LHX6: variants seen among roughly 807,000 people sequenced by gnomAD.
LHX6 encodes LIM/homeobox protein Lhx6.
LHX6 carries 15 observed loss-of-function variants against 47.1 expected under a neutral mutation model. The ratio of observed to expected loss-of-function variants is 0.32; its 90% confidence interval spans 0.21 to 0.49. The LOEUF is 0.49. Ranked by LOEUF, LHX6 falls within the 20% of genes least tolerant of loss-of-function variation. The probability of loss-of-function intolerance (pLI) is 0.99; values close to 1 mark genes in which losing one functional copy is unlikely to be tolerated. For synonymous variants in LHX6, 242 were observed against 233.5 expected, an observed-to-expected ratio of 1.04 and a Z score of -0.33; for missense variants, 404 against 539.6, an observed-to-expected ratio of 0.75 and a Z score of 2.49.
In LHX6 at chr9:122,214,031, G is replaced by A. The variant is rs1238887327; in HGVS notation, c.822C>T (p.Asp274=). ...QAQFAQDNNP[D]AQTLQKLADM... ...CCGCCAGCTTCTGCAGCGTCTGAGC[G>A]TCGGGGTTGTTGTCCTGCGCGAACT... The change falls in exon 7 of 10, where the codon GAC becomes GAT. Residue 274 remains aspartate (D), a synonymous_variant. Transcript: ENST00000394319. This position sits in a 1 kb window ranked among gnomAD's most constrained non-coding sequence, Gnocchi z 4.6. 4 of 1,602,280 alleles carry A rather than the reference G, an allele frequency of 2.5e-6. No homozygotes were observed. The highest frequency in any genetic ancestry group is 1.3e-5 in the African/African-American group (1 of 74,910).
rs112046879 is a variant in LHX6, at chr9:122,209,907, A to G, written c.1055-190T>C. On this transcript the variant is annotated intron_variant, in intron 8 of 9. Transcript: ENST00000394319. ...TTTTTTTTTTTTGAGACGGAGTCTC[A>G]CCTTGTCGCCCAGGCTGGAGTGCAG... is the stretch of plus-strand genomic sequence containing the variant. 2.3e-3 allele frequency among the ~76,000 whole-genome samples: 341 copies of G among 151,164 alleles called. 1 individual carries two copies. Among genetic ancestry groups the G allele is most frequent in the African/African-American group, 7.9e-3 (326 of 41,166 alleles).
At chr9:122,208,138 CAG>C (rs1213445296) in intron 9 of LHX6, among the ~76,000 whole-genome samples, 16 of 152,286 alleles carry the variant, frequency 1.1e-4, no homozygotes, top group African/African-American at 3.6e-4. Flanking sequence ...GCATAAAATA[CAG>C]ACTCTTCCAC....
In LHX6 at chr9:122,214,776, G is replaced by C. The variant is rs989117277; in HGVS notation, c.683-393C>G. Among the ~76,000 whole-genome samples, 1 of 152,162 alleles carries C rather than the reference G, an allele frequency of 6.6e-6. No individual in the cohort carries two copies. Among genetic ancestry groups the C allele is most frequent in the Non-Finnish European group, 1.5e-5 (1 of 68,036 alleles). ...AACTGGGGGACACCAAAGGCTAGAG[G>C]AGATAGGAAGCAAGCAAGTAACGGA... On this transcript the variant is annotated intron_variant, in intron 5 of 9. Coordinates refer to ENST00000394319, the MANE Select transcript of LHX6 (RefSeq NM_014368.5). This position sits in a 1 kb window ranked among gnomAD's most constrained non-coding sequence, Gnocchi z 4.6.
At chr9:122,215,866 C>T (rs1004129446) in intron 5 of LHX6, among the ~76,000 whole-genome samples, 12 of 152,128 alleles carry the variant, frequency 7.9e-5, no homozygotes, top group Admixed American at 7.2e-4. Context: ...ATACTCCTCC[C>T]CAGAAAAACT....
At position 122,213,909 on chromosome 9, in the gene LHX6, C is replaced by T. The variant is rs753551721; in HGVS notation, c.879+65G>A. 29 of 1,539,702 alleles carry T rather than the reference C, an allele frequency of 1.9e-5. No individual in the cohort carries two copies. The highest frequency in any genetic ancestry group is 2.5e-5 in the Non-Finnish European group (28 of 1,134,494). ...CCACGTGCACGCACCACCCTCCGCG[C>T]CGAGCCCAGCTACGAGCTCCGGGGC... On this transcript the variant is annotated intron_variant, in intron 7 of 9. Transcript: ENST00000394319. The surrounding 1 kb of genome is among the most constrained non-coding windows in gnomAD (Gnocchi z 5.5).
chr9:122,221,375 TG>T (rs1050460526), intron 4 of LHX6: 20 of 985,284 alleles, frequency 2.0e-5, no homozygotes, highest in Non-Finnish European at 2.4e-5. Context: ...TCTGCCGCGG[TG>T]GGGGGCCGCT....
intron 4 of LHX6, chr9:122,221,824 G>A (rs1830875247): frequency 3.6e-6 from 2 of 558,946 alleles, no homozygotes; most frequent in South Asian, 7.8e-5. Flanking sequence ...ACAGACGGGT[G>A]GCTGATATAT....
At chr9:122,225,810 T>G (rs866503701) in intron 4 of LHX6, among the ~76,000 whole-genome samples, 12 of 152,234 alleles carry the variant, frequency 7.9e-5, no homozygotes, top group Admixed American at 4.6e-4. Context: ...CGCTTGGGTA[T>G]GGGATCGGAT....
At chr9:122,228,375 A>G (rs1340392646) in intron 1 of LHX6, 3 of 1,523,578 alleles carry the variant, frequency 2.0e-6, no homozygotes, top group Non-Finnish European at 2.6e-6. Flanking sequence ...ATCAGCGCCT[A>G]TTCAGACGGA....
chr9:122,222,943 G>A (rs560832401), intron 4 of LHX6, among the ~76,000 whole-genome samples: 8 of 152,226 alleles, frequency 5.3e-5, no homozygotes, highest in South Asian at 2.1e-4. Context: ...CCTTGACCCC[G>A]GGCTTCAGGA....
At chr9:122,218,849 C>T (rs563231548) in intron 4 of LHX6, among the ~76,000 whole-genome samples, 1 of 152,240 alleles carries the variant, frequency 6.6e-6, no homozygotes, top group Non-Finnish European at 1.5e-5. Context: ...ACTTTCCCAC[C>T]CCCAGGCCTT....
At position 122,226,217 on chromosome 9, in the gene LHX6, G is replaced by C. The variant is rs1193682686; in HGVS notation, c.461+159C>G. Reference sequence around the variant, plus strand: ...GCGCGCTGCCTGGAGCTCTGGGTTCGCGCCGCTGAGCGCCGGCAGGTTGGA... The same window carrying C: ...GCGCGCTGCCTGGAGCTCTGGGTTCCCGCCGCTGAGCGCCGGCAGGTTGGA... On this transcript the variant is annotated intron_variant, in intron 4 of 9. Coordinates refer to ENST00000394319, the MANE Select transcript of LHX6 (RefSeq NM_014368.5). The surrounding 1 kb of genome is among the most constrained non-coding windows in gnomAD (Gnocchi z 6.5). 2.0e-5 allele frequency among the ~76,000 whole-genome samples: 3 copies of C among 152,216 alleles called. No individual in the cohort carries two copies. Among genetic ancestry groups the C allele is most frequent in the Non-Finnish European group, 4.4e-5 (3 of 68,034 alleles).
chr9:122,216,756 G>C (rs1177103518), intron 5 of LHX6, among the ~76,000 whole-genome samples: 1 of 152,166 alleles, frequency 6.6e-6, no homozygotes, highest in African/African-American at 2.4e-5. Flanking sequence ...CCATCTCTAG[G>C]GTTCACTGAG....
chr9:122,213,966 C>CCGGCCCCCGGGGG lies in LHX6; in HGVS notation c.879+7_879+8insCCCCCGGGGGCCG. On this transcript the variant is annotated splice_region_variant and intron_variant, in intron 7 of 9. Transcript: ENST00000394319. The surrounding 1 kb of genome is among the most constrained non-coding windows in gnomAD (Gnocchi z 5.5). ...GCGGTCCCCAGGCCCCGCCCACCCC[C>CCGGCCCCCGGGGG]GTCCCACCTGGATGACTCTCCGGCT... is the stretch of plus-strand genomic sequence containing the variant. 1 of 1,580,130 alleles carries CCGGCCCCCGGGGG rather than the reference C, an allele frequency of 6.3e-7. No homozygotes were observed.
At position 122,208,904 on chromosome 9, in the gene LHX6, C is replaced by T. The variant is rs138159268; in HGVS notation, c.1158+710G>A. The stretch of plus-strand genomic sequence containing the variant: ...TGACTTTGAGCTATCTGGGCCTCAA[C>T]GTTCCCATTTCTAAAATGAAGGGTT... On this transcript the variant is annotated intron_variant, in intron 9 of 9. Coordinates refer to ENST00000394319, the MANE Select transcript of LHX6 (RefSeq NM_014368.5). Among the ~76,000 whole-genome samples the T allele has an allele frequency of 4.9e-4, 74 of 150,882 alleles. No homozygotes were observed. In the South Asian group the frequency reaches 8.8e-3, roughly 18 times the overall value.
chr9:122,216,974 C>G (rs891916214), intron 5 of LHX6, 94 bp downstream of exon 5: 1 of 1,048,504 alleles, frequency 9.5e-7, no homozygotes, highest in African/African-American at 1.6e-5. Context: ...AGGGCCCAAT[C>G]GGTAGAGGAG....
intron 8 of LHX6, among the ~76,000 whole-genome samples, chr9:122,210,407 T>C (rs536685626): frequency 6.6e-6 from 1 of 152,242 alleles, no homozygotes; most frequent in South Asian, 2.1e-4. Flanking sequence ...TAAGTTCATA[T>C]CTCTTAGGTA....
chr9:122,226,588 GC>G lies in LHX6; in HGVS notation c.340-92del. 1 of 1,531,768 alleles carries G rather than the reference GC, an allele frequency of 6.5e-7. No homozygotes were observed. The highest frequency in any genetic ancestry group is 8.8e-7 in the Non-Finnish European group (1 of 1,141,332). 94.9% of individuals were successfully genotyped at this position (1,531,768 alleles called of 1,614,324 possible). A position where few individuals can be genotyped will look rare whatever the true frequency, so the allele number is the denominator to read the frequency against. Reference sequence around the variant, plus strand: ...CCCGGTCTCATTTACAGTCAGAGGCGCTGAAGCTCAGAAGGTGCATGCGATT... The same window carrying G: ...CCCGGTCTCATTTACAGTCAGAGGCGTGAAGCTCAGAAGGTGCATGCGATT... On this transcript the variant is annotated intron_variant, in intron 3 of 9. Transcript: ENST00000394319. This position sits in a 1 kb window ranked among gnomAD's most constrained non-coding sequence, Gnocchi z 6.5.
chr9:122,204,348 A>G lies in LHX6; in HGVS notation c.*412T>C. On this transcript the variant is annotated 3_prime_UTR_variant, in exon 10 of 10. Transcript: ENST00000394319. ...GGGGGTTGTCAGCTATTCAGAATTC[A>G]GAGATGGTTCCAAGGAAGTAGTAAA... 1 of 241,276 alleles carries G rather than the reference A, an allele frequency of 4.1e-6. No individual in the cohort carries two copies. The highest frequency in any genetic ancestry group is 8.0e-6 in the Non-Finnish European group (1 of 125,656). 14.9% of individuals were successfully genotyped at this position (241,276 alleles called of 1,614,324 possible). A position where few individuals can be genotyped will look rare whatever the true frequency, so the allele number is the denominator to read the frequency against.
Sources: allele counts gnomAD v4.1 joint callset (sites outside exome capture counted in the v4.1 genomes callset), GRCh38; gene constraint gnomAD v4.1.1; non-coding constraint Gnocchi (gnomAD v3.1); transcripts MANE v1.5; gene names NCBI Gene and HGNC (gene_info 2026-07-23, HGNC 2026-07-21).